CASQ2: variants seen among roughly 807,000 people sequenced by gnomAD.
The protein encoded by CASQ2 is calsequestrin 2.
A neutral mutation model predicts 46.5 loss-of-function variants in CASQ2; 49 were observed. The observed-to-expected ratio is 1.05, with a 90% CI of 0.84 to 1.34. The LOEUF (loss-of-function observed/expected upper bound fraction) is 1.34, where lower values mean the gene tolerates loss of function less well. Ranked by LOEUF, CASQ2 falls within the 40% of genes most tolerant of loss-of-function variation. The probability of loss-of-function intolerance (pLI) is 0.00; values close to 1 mark genes in which losing one functional copy is unlikely to be tolerated. For synonymous variants in CASQ2, 174 were observed against 168.5 expected, an observed-to-expected ratio of 1.03 and a Z score of -0.25; for missense variants, 486 against 481.3, an observed-to-expected ratio of 1.01 and a Z score of -0.09.
chr1:115,735,653 A>G (rs984939829), intron 4 of CASQ2, among the ~76,000 whole-genome samples: 19 of 152,242 alleles, frequency 1.2e-4, no homozygotes, highest in Non-Finnish European at 2.6e-4. Context: ...GAAAAGCTTC[A>G]TTATTATTTT....
chr1:115,702,918 C>T lies in CASQ2; in HGVS notation c.1014+3G>A, dbSNP rs1654250763. 2 of 1,611,498 alleles carry T rather than the reference C, an allele frequency of 1.2e-6. No individual in the cohort carries two copies. The highest frequency in any genetic ancestry group is 1.7e-6 in the Non-Finnish European group (2 of 1,178,164). ...TGAGCAAGCCTTCACAGGGGATACT[C>T]ACATCTGTGACATTCACCACCCCAA... On this transcript the variant is annotated splice_donor_region_variant and intron_variant, in intron 10 of 10. Transcript: ENST00000261448.
At chr1:115,707,278 C>T (rs1654395319) in intron 8 of CASQ2, among the ~76,000 whole-genome samples, 1 of 152,176 alleles carries the variant, frequency 6.6e-6, no homozygotes, top group African/African-American at 2.4e-5. Flanking sequence ...GATCCTGCCT[C>T]AGCTTTCCAA....
intron 1 of CASQ2, among the ~76,000 whole-genome samples, chr1:115,745,238 G>A (rs1018200105): frequency 6.6e-6 from 1 of 152,200 alleles, no homozygotes; most frequent in African/African-American, 2.4e-5. Flanking sequence ...CAGGAAGGAA[G>A]CATGGGTGCC....
intron 1 of CASQ2, among the ~76,000 whole-genome samples, chr1:115,766,865 TGATAGATA>T (rs58728885): frequency 0.05 from 7,267 of 144,916 alleles, 195 homozygotes; most frequent in African/African-American, 0.057. Flanking sequence ...GAGCTAGAGA[TGATAGATA>T]GATAGATAGA....
intron 8 of CASQ2, among the ~76,000 whole-genome samples, chr1:115,708,176 G>A (rs895422905): frequency 1.8e-4 from 27 of 152,208 alleles, no homozygotes; most frequent in Non-Finnish European, 2.9e-4. Context: ...GTAAACGAGT[G>A]AAGTCAAAAG....
chr1:115,728,866 A>G (rs1052297914), intron 5 of CASQ2, among the ~76,000 whole-genome samples: 14 of 152,010 alleles, frequency 9.2e-5, no homozygotes, highest in Non-Finnish European at 1.3e-4. Context: ...CTGAATGCCA[A>G]TGTCTGGGTC....
At chr1:115,726,409 G>A (rs1295553236) in intron 6 of CASQ2, among the ~76,000 whole-genome samples, 1 of 152,200 alleles carries the variant, frequency 6.6e-6, no homozygotes, top group Non-Finnish European at 1.5e-5. Context: ...CCGCAGTTAA[G>A]TAGTTGCTAC....
intron 8 of CASQ2, among the ~76,000 whole-genome samples, chr1:115,716,627 T>G (rs1262325576): frequency 2.0e-5 from 3 of 152,218 alleles, no homozygotes; most frequent in African/African-American, 7.2e-5. Flanking sequence ...TTTCTATGTT[T>G]GGGCAGCAAA....
chr1:115,735,296 T>C (rs1647919548), intron 4 of CASQ2, among the ~76,000 whole-genome samples: 2 of 152,212 alleles, frequency 1.3e-5, no homozygotes, highest in Non-Finnish European at 2.9e-5. Context: ...TCAGGAGACC[T>C]CTCCCTGCTC....
At chr1:115,754,269 T>C (rs545230018) in intron 1 of CASQ2, among the ~76,000 whole-genome samples, 56 of 152,240 alleles carry the variant, frequency 3.7e-4, no homozygotes, top group African/African-American at 1.3e-3. Flanking sequence ...GGGGCCTCTT[T>C]AGGGCTGGAA....
chr1:115,741,089 A>T (rs1022684061), intron 2 of CASQ2, among the ~76,000 whole-genome samples: 12 of 152,222 alleles, frequency 7.9e-5, no homozygotes, highest in Non-Finnish European at 1.5e-5. Flanking sequence ...CCACTGCTTT[A>T]GTTTTCCAAA....
At chr1:115,706,284 C>A (rs1330013141) in intron 8 of CASQ2, among the ~76,000 whole-genome samples, 1 of 152,028 alleles carries the variant, frequency 6.6e-6, no homozygotes, top group African/African-American at 2.4e-5. Context: ...TCAGGGAATC[C>A]CAGAGTATAG....
chr1:115,736,104 A>C (rs1647947891), intron 4 of CASQ2, among the ~76,000 whole-genome samples: 1 of 150,642 alleles, frequency 6.6e-6, no homozygotes, highest in Non-Finnish European at 1.5e-5. Context: ...CAGAGGTTGC[A>C]GTGAGCCGAG....
At chr1:115,739,931 C>T (rs906768024) in intron 3 of CASQ2, among the ~76,000 whole-genome samples, 8 of 152,290 alleles carry the variant, frequency 5.3e-5, no homozygotes, top group Admixed American at 2.0e-4. Flanking sequence ...TTTTTTAGGG[C>T]ATGTGGGTGT....
chr1:115,732,568 A>C (rs2101085567), intron 5 of CASQ2, among the ~76,000 whole-genome samples: 1 of 152,256 alleles, frequency 6.6e-6, no homozygotes, highest in South Asian at 2.1e-4. Context: ...AGGAAGGGAG[A>C]GGATACCCCC....
chr1:115,761,429 G>GGGCAACAGAAT (rs1557806495), intron 1 of CASQ2, among the ~76,000 whole-genome samples: 1 of 2,132 alleles, frequency 4.7e-4, no homozygotes, highest in African/African-American at 3.2e-3. Flanking sequence ...AGAAGAAGAA[G>GGGCAACAGAAT]AAGAAGAAGA....
intron 1 of CASQ2, among the ~76,000 whole-genome samples, chr1:115,758,862 G>A (rs1648846716): frequency 6.6e-6 from 1 of 152,174 alleles, no homozygotes; most frequent in Non-Finnish European, 1.5e-5. Flanking sequence ...TCAGAATTGT[G>A]AGCCAAATAA....
intron 7 of CASQ2, among the ~76,000 whole-genome samples, chr1:115,719,838 TG>T (rs1321478402): frequency 6.6e-6 from 1 of 152,170 alleles, no homozygotes; most frequent in Non-Finnish European, 1.5e-5. Flanking sequence ...ATCTCTCATT[TG>T]GTCTTTAGGT....
chr1:115,718,029 A>G, intron 7 of CASQ2, 135 bp from the exon 8 acceptor site: 1 of 730,626 alleles, frequency 1.4e-6, no homozygotes, highest in Admixed American at 1.9e-5. Flanking sequence ...TGAACACAGA[A>G]GCACAGAGGA....
Sources: allele counts gnomAD v4.1 joint callset (sites outside exome capture counted in the v4.1 genomes callset), GRCh38; gene constraint gnomAD v4.1.1; transcripts MANE v1.5; gene names NCBI Gene and HGNC (gene_info 2026-07-23, HGNC 2026-07-21).